PCSK5: variants seen among roughly 807,000 people sequenced by gnomAD.
PCSK5 encodes the protein proprotein convertase subtilisin/kexin type 5.
In PCSK5, 129 loss-of-function variants were observed where a neutral mutation model predicts 233.2. The ratio of observed to expected loss-of-function variants is 0.55; its 90% CI spans 0.48 to 0.64. The LOEUF (loss-of-function observed/expected upper bound fraction) is 0.64. PCSK5 is among the 30% of genes least tolerant of loss of function. The probability of loss-of-function intolerance (pLI) is 0.00; values close to 1 mark genes in which losing one functional copy is unlikely to be tolerated. For synonymous variants in PCSK5, 825 were observed against 879.2 expected, an observed-to-expected ratio of 0.94 and a Z score of 1.09; for missense variants, 2,076 against 2,430.1, an observed-to-expected ratio of 0.85 and a Z score of 3.06.
In PCSK5 at chr9:76,004,213, C is replaced by CTTA. The variant is rs1311433451; in HGVS notation, c.411+17970_411+17972dup. 2.6e-5 allele frequency among the ~76,000 whole-genome samples: 4 copies of CTTA among 151,514 alleles called. No individual in the cohort carries two copies. In the South Asian group the frequency reaches 8.3e-4, roughly 32 times the overall value. On this transcript the variant is annotated intron_variant, in intron 3 of 37. Coordinates refer to ENST00000674117, the MANE Select transcript of PCSK5 (RefSeq NM_001372043.1). ...TGTTGATGATTTTGATGAGGCCAGG[C>CTTA]TTATGGTTTGTAAAACAAGTCTCAC...
intron 1 of PCSK5, among the ~76,000 whole-genome samples, chr9:75,931,437 A>T (rs1037485430): frequency 2.0e-5 from 3 of 152,186 alleles, no homozygotes; most frequent in African/African-American, 7.2e-5. Context: ...GGTCTTGGAA[A>T]TTAACTAGCC....
At chr9:75,996,117 T>TA (rs1387799446) in intron 3 of PCSK5, among the ~76,000 whole-genome samples, 1 of 152,128 alleles carries the variant, frequency 6.6e-6, no homozygotes, top group Non-Finnish European at 1.5e-5. Context: ...TAACACAAAA[T>TA]AAAAATTTTC....
chr9:76,095,332 G>A (rs1176469811), intron 7 of PCSK5, among the ~76,000 whole-genome samples: 2 of 152,182 alleles, frequency 1.3e-5, no homozygotes, highest in African/African-American at 4.8e-5. Flanking sequence ...ATGTTCCTCA[G>A]ATATAAATGA....
intron 8 of PCSK5, among the ~76,000 whole-genome samples, chr9:76,102,652 G>A (rs965371281): frequency 5.3e-5 from 8 of 152,062 alleles, no homozygotes; most frequent in African/African-American, 1.9e-4. Flanking sequence ...TTTGGGTAAG[G>A]GATACGCAAC....
chr9:76,156,313 T>A (rs1822576857), intron 10 of PCSK5, among the ~76,000 whole-genome samples: 1 of 152,228 alleles, frequency 6.6e-6, no homozygotes, highest in Non-Finnish European at 1.5e-5. Context: ...CAGCTTTAGA[T>A]CAATAGGTTT....
At chr9:75,921,960 A>T (rs1027112434) in intron 1 of PCSK5, among the ~76,000 whole-genome samples, 13 of 152,184 alleles carry the variant, frequency 8.5e-5, no homozygotes, top group Non-Finnish European at 2.9e-5. Flanking sequence ...AAATGTTCTA[A>T]TTCAATAGAG....
At chr9:76,166,690 G>A (rs944961145) in intron 12 of PCSK5, among the ~76,000 whole-genome samples, 18 of 152,362 alleles carry the variant, frequency 1.2e-4, no homozygotes, top group Admixed American at 6.5e-4. Context: ...GGTATTATGT[G>A]ACAAGTTATT....
intron 1 of PCSK5, among the ~76,000 whole-genome samples, chr9:75,930,851 T>C (rs559227947): frequency 6.6e-6 from 1 of 152,302 alleles, no homozygotes; most frequent in East Asian, 1.9e-4. Flanking sequence ...ATTCTACCCT[T>C]AGTCCTCTGG....
intron 24 of PCSK5, among the ~76,000 whole-genome samples, chr9:76,263,278 G>A (rs1827235948): frequency 6.6e-6 from 1 of 152,180 alleles, no homozygotes; most frequent in Admixed American, 6.5e-5. Context: ...GCATTACTGG[G>A]TGTATAACCA....
chr9:76,325,157 G>T (rs1026620075), intron 32 of PCSK5, among the ~76,000 whole-genome samples: 1 of 152,124 alleles, frequency 6.6e-6, no homozygotes, highest in Non-Finnish European at 1.5e-5. Flanking sequence ...GCGGGTGTTC[G>T]TGTGGGAGGC....
chr9:75,964,266 G>A (rs1252225256), intron 2 of PCSK5, among the ~76,000 whole-genome samples: 1 of 152,092 alleles, frequency 6.6e-6, no homozygotes, highest in Non-Finnish European at 1.5e-5. Flanking sequence ...GATCATAACT[G>A]GGTGAAAGTT....
At chr9:76,318,284 G>C (rs2131453126) in intron 30 of PCSK5, among the ~76,000 whole-genome samples, 2 of 152,202 alleles carry the variant, frequency 1.3e-5, no homozygotes, top group African/African-American at 4.8e-5. Context: ...CATGGACACA[G>C]GGAGGGGAAC....
chr9:75,957,467 C>G (rs946163690), intron 2 of PCSK5, among the ~76,000 whole-genome samples: 1 of 152,028 alleles, frequency 6.6e-6, no homozygotes, highest in African/African-American at 2.4e-5. Flanking sequence ...CACTTGATGA[C>G]TTGTGGGTAT....
intron 2 of PCSK5, among the ~76,000 whole-genome samples, chr9:75,958,499 G>C (rs1490690303): frequency 6.6e-6 from 1 of 152,194 alleles, no homozygotes; most frequent in African/African-American, 2.4e-5. Context: ...GGGTTGTGTA[G>C]CTTGGAGGCA....
At chr9:76,211,593 A>G (rs548015552) in intron 20 of PCSK5, among the ~76,000 whole-genome samples, 1 of 152,312 alleles carries the variant, frequency 6.6e-6, no homozygotes, top group South Asian at 2.1e-4. Context: ...CACACCTGTA[A>G]TCCCAGCACT....
chr9:75,958,009 A>G (rs1825171171), intron 2 of PCSK5, among the ~76,000 whole-genome samples: 1 of 152,212 alleles, frequency 6.6e-6, no homozygotes, highest in Admixed American at 6.5e-5. Flanking sequence ...GGAAAGAACA[A>G]TGACTTTGAG....
At chr9:76,024,832 G>C (rs1374293366) in intron 4 of PCSK5, among the ~76,000 whole-genome samples, 2 of 152,144 alleles carry the variant, frequency 1.3e-5, no homozygotes, top group Non-Finnish European at 2.9e-5. Context: ...CAAAGACTTG[G>C]GTTCCCTCCA....
At chr9:76,000,630 A>G (rs2131426345) in intron 3 of PCSK5, among the ~76,000 whole-genome samples, 1 of 152,340 alleles carries the variant, frequency 6.6e-6, no homozygotes, top group East Asian at 1.9e-4. Flanking sequence ...ATCAGGGGCT[A>G]TTTCCCTAGT....
chr9:75,893,390 A>G (rs1195720746), intron 1 of PCSK5, among the ~76,000 whole-genome samples: 1 of 152,134 alleles, frequency 6.6e-6, no homozygotes, highest in African/African-American at 2.4e-5. Flanking sequence ...TGCCATGATG[A>G]AGGAGGAAGG....
Sources: gnomAD v4.1 joint callset for allele counts (sites outside exome capture counted in the v4.1 genomes callset) on GRCh38, gnomAD v4.1.1 for gene constraint, MANE v1.5 for transcripts, NCBI Gene and HGNC (gene_info 2026-07-23, HGNC 2026-07-21) for gene names.